The following MACROD2 variants were observed in gnomAD, a reference collection of about 807,000 sequenced individuals.
The protein encoded by MACROD2 is ADP-ribose glycohydrolase MACROD2.
MACROD2 carries 36 observed loss-of-function variants against 70.4 expected under a neutral mutation model. The observed-to-expected ratio is 0.51, with a 90% confidence interval of 0.39 to 0.68. The LOEUF is 0.68. Among genes scored for constraint, MACROD2 ranks in the 30% least tolerant of loss-of-function variants. The pLI, the probability that MACROD2 is intolerant of heterozygous loss-of-function variation, is 0.00. For missense variants in MACROD2, 496 were observed against 538.4 expected (o/e 0.92, Z 0.78); for synonymous variants, 172 against 178.8 (o/e 0.96, Z 0.30).
At chr20:15,486,092 G>A (rs1276019552) in intron 7 of MACROD2, among the ~76,000 whole-genome samples, 2 of 151,964 alleles carry the variant, frequency 1.3e-5, no homozygotes, top group Non-Finnish European at 2.9e-5. Context: ...TTCTTCAGAG[G>A]TTTGGCTATA....
chr20:15,338,628 A>G (rs1384547913), intron 6 of MACROD2, among the ~76,000 whole-genome samples: 2 of 151,654 alleles, frequency 1.3e-5, no homozygotes, highest in Non-Finnish European at 2.9e-5. Flanking sequence ...TCATCTGAAT[A>G]ACTCCATAAA....
At chr20:14,203,810 C>T (rs1489467963) in intron 3 of MACROD2, among the ~76,000 whole-genome samples, 1 of 152,102 alleles carries the variant, frequency 6.6e-6, no homozygotes, top group Non-Finnish European at 1.5e-5. Flanking sequence ...CTTGGGCACC[C>T]ATGTAGGTGG....
intron 3 of MACROD2, among the ~76,000 whole-genome samples, chr20:14,359,821 G>C (rs2083205214): frequency 6.6e-6 from 1 of 152,060 alleles, no homozygotes; most frequent in South Asian, 2.1e-4. Flanking sequence ...GAGATTGCAC[G>C]ACTGCACTCC....
At chr20:14,853,053 C>T (rs565647255) in intron 5 of MACROD2, among the ~76,000 whole-genome samples, 51 of 152,152 alleles carry the variant, frequency 3.4e-4, no homozygotes, top group African/African-American at 1.0e-3. Context: ...TTACATATCA[C>T]GCTTGGCACT....
chr20:15,154,344 G>T (rs966675402), intron 5 of MACROD2, among the ~76,000 whole-genome samples: 1 of 152,150 alleles, frequency 6.6e-6, no homozygotes, highest in Non-Finnish European at 1.5e-5. Context: ...GAGGTAAATA[G>T]CCTGACTGGA....
intron 8 of MACROD2, among the ~76,000 whole-genome samples, chr20:15,513,623 A>C (rs955206718): frequency 2.3e-4 from 35 of 152,308 alleles, no homozygotes; most frequent in African/African-American, 8.4e-4. Flanking sequence ...GATATACTCA[A>C]ACCCTACATC....
chr20:15,298,708 T>A (rs2077613997), intron 6 of MACROD2, among the ~76,000 whole-genome samples: 1 of 152,238 alleles, frequency 6.6e-6, no homozygotes, highest in Non-Finnish European at 1.5e-5. Flanking sequence ...ACATTCTGCA[T>A]TCCCTTTAAC....
intron 5 of MACROD2, among the ~76,000 whole-genome samples, chr20:14,692,186 A>G (rs1299685445): frequency 6.6e-6 from 1 of 152,186 alleles, no homozygotes; most frequent in Non-Finnish European, 1.5e-5. Context: ...ACTGATTCAG[A>G]AACCCTGTGG....
At chr20:14,390,618 A>G (rs923213266) in intron 3 of MACROD2, among the ~76,000 whole-genome samples, 1 of 152,192 alleles carries the variant, frequency 6.6e-6, no homozygotes, top group Non-Finnish European at 1.5e-5. Flanking sequence ...ATCTTCTACA[A>G]CCTGACAGAA....
chr20:14,895,740 T>C (rs1226910446), intron 5 of MACROD2, among the ~76,000 whole-genome samples: 1 of 152,108 alleles, frequency 6.6e-6, no homozygotes, highest in African/African-American at 2.4e-5. Context: ...GATAAAAATA[T>C]TATCATCCAT....
At chr20:15,337,636 CTCAACTT>C (rs972546245) in intron 6 of MACROD2, among the ~76,000 whole-genome samples, 1 of 151,572 alleles carries the variant, frequency 6.6e-6, no homozygotes, top group African/African-American at 2.4e-5. Context: ...AAAATTTACT[CTCAACTT>C]TCAAGAATAC....
chr20:15,980,354 C>T (rs2147450325), intron 13 of MACROD2, among the ~76,000 whole-genome samples: 1 of 152,218 alleles, frequency 6.6e-6, no homozygotes, highest in Admixed American at 6.5e-5. Context: ...CCTCATTTCC[C>T]CCTTTTGAGA....
intron 2 of MACROD2, among the ~76,000 whole-genome samples, chr20:14,006,929 G>A (rs2052831692): frequency 6.6e-6 from 1 of 151,982 alleles, no homozygotes; most frequent in African/African-American, 2.4e-5. Flanking sequence ...ATAGATTATT[G>A]TACATCTTTT....
intron 5 of MACROD2, among the ~76,000 whole-genome samples, chr20:14,965,330 CTT>C (rs1379890899): frequency 3.3e-5 from 5 of 151,638 alleles, no homozygotes; most frequent in African/African-American, 1.2e-4. Context: ...ATATCGGTAA[CTT>C]AACACAATTC....
chr20:14,396,631 A>C (rs1327675119), intron 3 of MACROD2, among the ~76,000 whole-genome samples: 1 of 152,146 alleles, frequency 6.6e-6, no homozygotes, highest in South Asian at 2.1e-4. Context: ...GTTGATTTTT[A>C]AAATCCAATC....
chr20:15,750,934 TTTTG>T (rs1254796292), intron 8 of MACROD2, among the ~76,000 whole-genome samples: 4 of 150,760 alleles, frequency 2.7e-5, no homozygotes, highest in Admixed American at 2.0e-4. Flanking sequence ...TTTGTTTGTT[TTTTG>T]TTTGTTTGTT....
At chr20:15,409,019 T>C (rs960866275) in intron 6 of MACROD2, among the ~76,000 whole-genome samples, 3 of 152,222 alleles carry the variant, frequency 2.0e-5, no homozygotes, top group African/African-American at 7.2e-5. Context: ...CTTTATACTT[T>C]CTTCTTTTCT....
chr20:14,977,414 A>T (rs1170431315), intron 5 of MACROD2, among the ~76,000 whole-genome samples: 1 of 150,518 alleles, frequency 6.6e-6, no homozygotes, highest in Non-Finnish European at 1.5e-5. Flanking sequence ...GTTAGTAGGT[A>T]ATATTTAAGT....
chr20:15,913,227 A>G (rs1390999507), intron 10 of MACROD2, among the ~76,000 whole-genome samples: 2 of 152,122 alleles, frequency 1.3e-5, no homozygotes, highest in African/African-American at 4.8e-5. Context: ...TAGAAAAAAA[A>G]AATCCAGAAA....
Sources: allele counts gnomAD v4.1 joint callset (sites outside exome capture counted in the v4.1 genomes callset), GRCh38; gene constraint gnomAD v4.1.1; transcripts MANE v1.5; gene names NCBI Gene and HGNC (gene_info 2026-07-23, HGNC 2026-07-21).